CEP192: variants seen among roughly 807,000 people sequenced by gnomAD.
CEP192 encodes the protein centrosomal protein of 192 kDa.
A neutral mutation model predicts 271.8 loss-of-function variants in CEP192; 151 were observed. That is an observed-to-expected ratio of 0.56 (90% confidence interval 0.49 to 0.64). CEP192 has a LOEUF of 0.64. Ranked by LOEUF, CEP192 falls within the 30% of genes least tolerant of loss-of-function variation. CEP192 has a pLI of 0.00. For missense variants in CEP192, 2,910 were observed against 3,020.5 expected, an observed-to-expected ratio of 0.96 and a Z score of 0.86; for synonymous variants, 995 against 1,076.5, an observed-to-expected ratio of 0.92 and a Z score of 1.48.
chr18:13,023,077 T>C (rs878939683), intron 9 of CEP192, among the ~76,000 whole-genome samples: 1 of 152,312 alleles, frequency 6.6e-6, no homozygotes, highest in Admixed American at 6.5e-5. Context: ...TTTTTGTCAG[T>C]TCTTTTGGAT....
Position 13,056,266 on chromosome 18 carries a change from A to G in CEP192, c.3676A>G (p.Thr1226Ala). 6.2e-7 allele frequency: 1 copy of G among 1,613,822 alleles called. No homozygotes were observed. Among genetic ancestry groups the G allele is most frequent in the Non-Finnish European group, 8.5e-7 (1 of 1,179,804 alleles). The change falls in exon 19 of 45, where the codon ACT becomes GCT. Residue 1226 changes from threonine (T) to alanine (A), a missense_variant. Thr to Ala is a moderately conservative substitution (Grantham distance 58, BLOSUM62 0). Transcript: ENST00000506447. ...TCAGACCACCTCTGAAAACCAGTGT[A>G]CTCCTATTCCCAGCAGCACAGTTCA... ...SHQTTSENQC[T>A]PIPSSTVHSS...
At chr18:13,094,647 A>G (rs1245710778) in intron 34 of CEP192, among the ~76,000 whole-genome samples, 1 of 152,206 alleles carries the variant, frequency 6.6e-6, no homozygotes, top group Non-Finnish European at 1.5e-5. Flanking sequence ...GTTAGAAACC[A>G]GGGTGCAGGC....
At chr18:13,017,567 C>T (rs780608805) in intron 7 of CEP192, among the ~76,000 whole-genome samples, 4 of 152,186 alleles carry the variant, frequency 2.6e-5, no homozygotes, top group African/African-American at 7.2e-5. Flanking sequence ...CACCCTCTTC[C>T]TCCAGTTAAC....
intron 20 of CEP192, chr18:13,058,871 C>T (rs1598475133): frequency 1.8e-6 from 1 of 561,276 alleles, no homozygotes; most frequent in East Asian, 3.1e-5. Flanking sequence ...GGGAGACAGC[C>T]TTGGTGCAGC....
intron 11 of CEP192, among the ~76,000 whole-genome samples, chr18:13,034,785 C>A (rs1190741578): frequency 6.7e-6 from 1 of 149,558 alleles, no homozygotes; most frequent in Non-Finnish European, 1.5e-5. Context: ...CACCACTGCC[C>A]TCCAGACTAG....
In CEP192 at chr18:13,055,765, TTTTG is replaced by T; in HGVS notation, c.3190-12_3190-9del. On this transcript the variant is annotated splice_polypyrimidine_tract_variant and intron_variant, in intron 18 of 44. Coordinates refer to ENST00000506447, the MANE Select transcript of CEP192 (RefSeq NM_032142.4). Reference sequence around the variant, plus strand: ...TTATCTGTGGATTATTAAAAACAAATTTTGTTGCACTCAGAGTGATATCACCAGC... The same window carrying T: ...TTATCTGTGGATTATTAAAAACAAATTTGCACTCAGAGTGATATCACCAGC... 6.6e-7 allele frequency: 1 copy of T among 1,511,386 alleles called. No homozygotes were observed. The highest frequency in any genetic ancestry group is 8.8e-7 in the Non-Finnish European group (1 of 1,130,000). 93.6% of individuals were successfully genotyped at this position (1,511,386 alleles called of 1,614,324 possible). A position where few individuals can be genotyped will look rare whatever the true frequency, so the allele number is the denominator to read the frequency against.
At position 13,012,996 on chromosome 18, in the gene CEP192, C is replaced by T; in HGVS notation, c.490C>T (p.Gln164Ter). Residue 164 changes from glutamine to a stop codon, truncating the protein, a stop_gained, in exon 5 of 45, where the codon CAG (glutamine) becomes TAG (stop). Coordinates refer to ENST00000506447, the MANE Select transcript of CEP192 (RefSeq NM_032142.4). LOFTEE classifies it high-confidence loss of function. ...AQDSPIDFHL[Q>*]SWMNNKEPKI... ...AGACTCACCTATTGATTTTCATTTA[C>T]AGTCATGGATGAATAATAAGGAACC... 6.6e-7 allele frequency: 1 copy of T among 1,514,934 alleles called. No individual in the cohort carries two copies. Among genetic ancestry groups the T allele is most frequent in the Non-Finnish European group, 9.0e-7 (1 of 1,115,782 alleles). The allele number at this position is 1,514,934 out of a possible 1,614,324, so 93.8% of individuals were successfully genotyped here.
intron 30 of CEP192, among the ~76,000 whole-genome samples, chr18:13,078,139 T>C (rs954100525): frequency 6.6e-6 from 1 of 152,122 alleles, no homozygotes; most frequent in African/African-American, 2.4e-5. Flanking sequence ...CCTGTGTCCA[T>C]GTGTTCTTGT....
intron 17 of CEP192, 103 bp downstream of exon 17, chr18:13,049,994 C>A: frequency 1.1e-6 from 1 of 928,674 alleles, no homozygotes; most frequent in East Asian, 2.6e-5. Context: ...ATTCGTCTCT[C>A]AAAGGTAACT....
intron 4 of CEP192, among the ~76,000 whole-genome samples, chr18:13,009,668 C>T (rs1568273303): frequency 6.6e-6 from 1 of 151,978 alleles, no homozygotes; most frequent in Admixed American, 6.5e-5. Context: ...CCCTGTCTCT[C>T]CTAAAAATAC....
At chr18:13,013,539 T>C (rs2034480895) in intron 5 of CEP192, among the ~76,000 whole-genome samples, 1 of 152,198 alleles carries the variant, frequency 6.6e-6, no homozygotes, top group South Asian at 2.1e-4. Flanking sequence ...TGTCCTCCCC[T>C]CTGCAAATCA....
chr18:13,068,198 T>C lies in CEP192; in HGVS notation c.4719T>C (p.Ser1573=), dbSNP rs760437367. 7.4e-6 allele frequency: 12 copies of C among 1,614,136 alleles called. No individual in the cohort carries two copies. Among genetic ancestry groups the C allele is most frequent in the Non-Finnish European group, 8.5e-6 (10 of 1,180,054 alleles). ...TGGTCACTCGGCTAGCAGGCCCTTC[T>C]GTGGTCAACCACATGATGCCTGCTA... is the stretch of plus-strand genomic sequence containing the variant. ...ADVVTRLAGP[S]VVNHMMPASY... The change falls in exon 23 of 45, where the codon TCT becomes TCC. Residue 1573 remains serine, a synonymous_variant. Coordinates refer to ENST00000506447, the MANE Select transcript of CEP192 (RefSeq NM_032142.4).
At chr18:12,996,364 C>A (rs2033238185) in intron 1 of CEP192, among the ~76,000 whole-genome samples, 1 of 151,940 alleles carries the variant, frequency 6.6e-6, no homozygotes, top group Non-Finnish European at 1.5e-5. Flanking sequence ...TTGGAGTTGT[C>A]ATTTTCGCTG....
intron 7 of CEP192, among the ~76,000 whole-genome samples, chr18:13,017,765 T>G (rs1007420190): frequency 6.6e-6 from 1 of 152,218 alleles, no homozygotes; most frequent in Non-Finnish European, 1.5e-5. Context: ...ATATAATAAT[T>G]TAAATTACTG....
intron 1 of CEP192, among the ~76,000 whole-genome samples, chr18:12,991,663 T>G (rs1753807193): frequency 6.6e-6 from 1 of 152,256 alleles, no homozygotes; most frequent in African/African-American, 2.4e-5. Flanking sequence ...TGGGATTAAT[T>G]GCACGCCTCT....
At chr18:13,010,723 T>G (rs868448615) in intron 4 of CEP192, among the ~76,000 whole-genome samples, 10 of 151,998 alleles carry the variant, frequency 6.6e-5, no homozygotes, top group African/African-American at 2.4e-4. Flanking sequence ...GCACATGCCT[T>G]TAATCCCAGC....
At chr18:13,107,181 C>G (rs143973964) in intron 40 of CEP192, among the ~76,000 whole-genome samples, 2,202 of 152,266 alleles carry the variant, frequency 0.014, 57 homozygotes, top group African/African-American at 0.047. Context: ...GTCATACAAT[C>G]AGGTAGCAAA....
At chr18:13,004,622 CGTGAGG>C (rs1196377291) in intron 3 of CEP192, among the ~76,000 whole-genome samples, 9 of 151,898 alleles carry the variant, frequency 5.9e-5, no homozygotes, top group African/African-American at 2.2e-4. Context: ...ATCAAGTCAG[CGTGAGG>C]GTGGAGGAGG....
chr18:13,017,422 C>T, intron 7 of CEP192, 86 bp downstream of exon 7: 1 of 1,081,504 alleles, frequency 9.2e-7, no homozygotes, highest in Non-Finnish European at 1.3e-6. Context: ...GAAATGTAAG[C>T]CTTTGGACTT....
Sources: allele counts gnomAD v4.1 joint callset (sites outside exome capture counted in the v4.1 genomes callset), GRCh38; gene constraint gnomAD v4.1.1; transcripts MANE v1.5; gene names NCBI Gene and HGNC (gene_info 2026-07-23, HGNC 2026-07-21).